The following MYO16 variants were observed in gnomAD, a reference collection of about 807,000 sequenced individuals.
The protein encoded by MYO16 is myosin XVI.
MYO16 carries 94 observed loss-of-function variants against 205.3 expected under a neutral mutation model. The observed-to-expected ratio is 0.46, with a 90% CI of 0.39 to 0.54. The LOEUF is 0.54. MYO16 is among the 20% of genes least tolerant of loss of function. MYO16 has a pLI of 0.00. For synonymous variants in MYO16, 988 were observed against 954.0 expected, an observed-to-expected ratio of 1.04 and a Z score of -0.66; for missense variants, 2,315 against 2,387.5, an observed-to-expected ratio of 0.97 and a Z score of 0.63.
intron 27 of MYO16, among the ~76,000 whole-genome samples, chr13:109,078,069 T>G (rs1297177693): frequency 6.6e-6 from 1 of 152,168 alleles, no homozygotes; most frequent in East Asian, 1.9e-4. Context: ...TCCAATTCAA[T>G]GCATTTTTTG....
intron 27 of MYO16, among the ~76,000 whole-genome samples, chr13:109,066,067 G>T (rs1162660997): frequency 6.6e-6 from 1 of 152,250 alleles, no homozygotes; most frequent in South Asian, 2.1e-4. Context: ...TGACACAGTT[G>T]TTGCTGAAAA....
At chr13:108,842,089 A>G (rs1374611647) in intron 9 of MYO16, among the ~76,000 whole-genome samples, 1 of 152,118 alleles carries the variant, frequency 6.6e-6, no homozygotes, top group Non-Finnish European at 1.5e-5. Flanking sequence ...TGGATGAAAG[A>G]CTTAAATATA....
chr13:109,061,849 G>A (rs576477774), intron 27 of MYO16, among the ~76,000 whole-genome samples: 33 of 152,208 alleles, frequency 2.2e-4, no homozygotes, highest in African/African-American at 6.7e-4. Context: ...TGCAGGATGC[G>A]AAATGGGATT....
chr13:109,206,984 T>A lies in MYO16; in HGVS notation c.*148T>A. ...GGACACAGACACTAAATATATGAGA[T>A]CCCGTGTGTGTGTGTGTGTGTTTGT... On this transcript the variant is annotated 3_prime_UTR_variant, in exon 35 of 35. Transcript: ENST00000457511. The A allele has an allele frequency of 5.2e-6, 3 of 575,526 alleles. No homozygotes were observed. Among genetic ancestry groups the A allele is most frequent in the Non-Finnish European group, 9.2e-6 (3 of 326,916 alleles). The allele number at this position is 575,526 out of a possible 1,614,324, so 35.7% of individuals were successfully genotyped here.
chr13:108,992,252 AT>A, intron 20 of MYO16, 123 bp from the exon 21 acceptor site: 1 of 550,734 alleles, frequency 1.8e-6, no homozygotes, highest in Non-Finnish European at 3.1e-6. Context: ...ATTATTTCAC[AT>A]TTTTAGTCCA....
At chr13:109,049,931 T>TG in intron 24 of MYO16, among the ~76,000 whole-genome samples, 1 of 90,188 alleles carries the variant, frequency 1.1e-5, no homozygotes, top group East Asian at 3.4e-4. Context: ...TTGTCCTGTG[T>TG]GTGTGTGTGT....
rs77483122 is a variant in MYO16, at chr13:108,854,812, A to G, written c.1249-631A>G. Reference sequence around the variant, plus strand: ...TCCAAATTTATCTTTTTTATTTGAAATGTTGCAGTCTTTAAACATTCATGG... The same window carrying G: ...TCCAAATTTATCTTTTTTATTTGAAGTGTTGCAGTCTTTAAACATTCATGG... On this transcript the variant is annotated intron_variant, in intron 10 of 34. Coordinates refer to ENST00000457511, the MANE Select transcript of MYO16 (RefSeq NM_001198950.3). Among the ~76,000 whole-genome samples the G allele has an allele frequency of 2.3e-4, 35 of 152,304 alleles. 2 individuals carry two copies. In the East Asian group the frequency reaches 6.6e-3, roughly 29 times the overall value.
chr13:108,708,746 A>G (rs908684402), intron 2 of MYO16, among the ~76,000 whole-genome samples: 1 of 152,206 alleles, frequency 6.6e-6, no homozygotes, highest in Non-Finnish European at 1.5e-5. Context: ...TCACATGTCC[A>G]CACTAGCTAA....
At chr13:108,850,462 G>A (rs1448506657) in intron 10 of MYO16, among the ~76,000 whole-genome samples, 1 of 152,178 alleles carries the variant, frequency 6.6e-6, no homozygotes, top group Non-Finnish European at 1.5e-5. Context: ...CCTATCTTGT[G>A]TTTTAGATCT....
intron 24 of MYO16, among the ~76,000 whole-genome samples, chr13:109,049,274 A>G (rs942772101): frequency 5.9e-5 from 9 of 152,166 alleles, no homozygotes; most frequent in Non-Finnish European, 1.2e-4. Flanking sequence ...CCAGTGAGAG[A>G]AATATGCCTC....
intron 4 of MYO16, among the ~76,000 whole-genome samples, chr13:108,781,530 G>A (rs4773000): frequency 0.34 from 51,634 of 151,874 alleles, 9,926 homozygotes; most frequent in East Asian, 0.63. Context: ...CATTGCCTTC[G>A]GGGTCAGTAG....
At chr13:108,570,626 G>A in the MYO16 span, among the ~76,000 whole-genome samples, 71,080 of 152,080 alleles carry the variant, frequency 0.47, 16,868 homozygotes, top group East Asian at 0.62. Context: ...TAAAAGTAGC[G>A]TTTCTTACCT....
chr13:108,848,704 A>G (rs1178534264), intron 10 of MYO16, among the ~76,000 whole-genome samples: 1 of 151,864 alleles, frequency 6.6e-6, no homozygotes, highest in African/African-American at 2.4e-5. Flanking sequence ...GGTCCCACCA[A>G]CTCAAGAGAC....
At chr13:108,677,003 A>G (rs1882243021) in intron 2 of MYO16, among the ~76,000 whole-genome samples, 1 of 152,132 alleles carries the variant, frequency 6.6e-6, no homozygotes, top group South Asian at 2.1e-4. Context: ...TTGCGAGCCC[A>G]TATCTTTCAC....
At chr13:108,952,095 G>T (rs1290973125) in intron 16 of MYO16, among the ~76,000 whole-genome samples, 1 of 149,178 alleles carries the variant, frequency 6.7e-6, no homozygotes, top group South Asian at 2.1e-4. Context: ...TGGGAAAAAC[G>T]AGTGAGACTC....
Position 109,029,183 on chromosome 13 carries a change from C to T in MYO16, c.2796+9272C>T, listed in dbSNP as rs149764812. On this transcript the variant is annotated intron_variant, in intron 23 of 34. Transcript: ENST00000457511. ...AGGCTGGAGTGCAAAGACACAATCT[C>T]GGCTCACTGCAACCTCCGCCTCCCA... 4.2e-3 allele frequency among the ~76,000 whole-genome samples: 596 copies of T among 142,002 alleles called. 2 individuals are homozygous for T. The highest frequency in any genetic ancestry group is 0.015 in the African/African-American group (566 of 38,290). The allele number at this position is 142,002 out of a possible 152,430, so 93.2% of individuals were successfully genotyped here.
At chr13:108,508,763 G>A in the MYO16 span, among the ~76,000 whole-genome samples, 1 of 152,190 alleles carries the variant, frequency 6.6e-6, no homozygotes, top group African/African-American at 2.4e-5. Context: ...TATTCTTGAA[G>A]TTGCATTCCC....
intron 4 of MYO16, among the ~76,000 whole-genome samples, chr13:108,769,655 C>T (rs903042144): frequency 1.3e-5 from 2 of 152,100 alleles, no homozygotes; most frequent in Admixed American, 1.3e-4. Flanking sequence ...CTGAGCAAGA[C>T]CGGGTGGTTC....
At chr13:108,910,964 T>C (rs1881228374) in intron 16 of MYO16, among the ~76,000 whole-genome samples, 1 of 151,506 alleles carries the variant, frequency 6.6e-6, no homozygotes, top group Admixed American at 6.6e-5. Context: ...TATTATTAGA[T>C]CTAGGGGAAC....
Sources: gnomAD v4.1 joint callset for allele counts (sites outside exome capture counted in the v4.1 genomes callset) on GRCh38, gnomAD v4.1.1 for gene constraint, MANE v1.5 for transcripts, NCBI Gene and HGNC (gene_info 2026-07-23, HGNC 2026-07-21) for gene names.